Variants in UNC13B observed in about 807,000 individuals in gnomAD.
The protein encoded by UNC13B is unc-13 homolog B, also known as protein unc-13 homolog B.
A neutral mutation model predicts 211.0 loss-of-function variants in UNC13B; 144 were observed. That is an observed-to-expected ratio of 0.68 (90% CI 0.60 to 0.78). UNC13B has a LOEUF of 0.78. UNC13B is among the 30% of genes least tolerant of loss of function. The probability of loss-of-function intolerance (pLI) is 0.00; values close to 1 mark genes in which losing one functional copy is unlikely to be tolerated. For missense variants in UNC13B, 1,777 were observed against 2,002.0 expected, an observed-to-expected ratio of 0.89 and a Z score of 2.14; for synonymous variants, 709 against 725.8, an observed-to-expected ratio of 0.98 and a Z score of 0.37.
intron 8 of UNC13B, among the ~76,000 whole-genome samples, chr9:35,298,306 G>C (rs542492238): frequency 1.3e-5 from 2 of 152,304 alleles, no homozygotes; most frequent in South Asian, 2.1e-4. Context: ...TATGGTCCTA[G>C]CTACTTGGGA....
At chr9:35,391,795 G>A (rs1835552485) in intron 26 of UNC13B, among the ~76,000 whole-genome samples, 1 of 152,144 alleles carries the variant, frequency 6.6e-6, no homozygotes, top group South Asian at 2.1e-4. Context: ...TGTGAGGTGG[G>A]GCAGAGGTTT....
chr9:35,195,366 G>A (rs113675362), intron 1 of UNC13B, among the ~76,000 whole-genome samples: 2,566 of 152,100 alleles, frequency 0.017, 57 homozygotes, highest in African/African-American at 0.059. Context: ...CCCTTTCCAC[G>A]CCAAACCAAT....
intron 1 of UNC13B, among the ~76,000 whole-genome samples, chr9:35,163,858 G>C (rs1820898775): frequency 6.6e-6 from 1 of 151,954 alleles, no homozygotes; most frequent in African/African-American, 2.4e-5. Flanking sequence ...TGAATCTGGA[G>C]AAACGAGATC....
At chr9:35,355,589 A>C (rs561861987) in intron 11 of UNC13B, among the ~76,000 whole-genome samples, 1 of 152,296 alleles carries the variant, frequency 6.6e-6, no homozygotes, top group African/African-American at 2.4e-5. Flanking sequence ...CTGTCATACA[A>C]ATTTGCCTTG....
chr9:35,400,995 A>G (rs1392838593), intron 37 of UNC13B, among the ~76,000 whole-genome samples: 1 of 152,166 alleles, frequency 6.6e-6, no homozygotes, highest in Admixed American at 6.5e-5. Flanking sequence ...CAGGGGACCC[A>G]GGAAGCCGGT....
At chr9:35,165,655 G>A (rs1398889793) in intron 1 of UNC13B, among the ~76,000 whole-genome samples, 1 of 151,998 alleles carries the variant, frequency 6.6e-6, no homozygotes, top group East Asian at 1.9e-4. Context: ...CTGACCTCGT[G>A]ATCTGCCCAC....
At chr9:35,343,766 T>C (rs1348695654) in intron 11 of UNC13B, among the ~76,000 whole-genome samples, 3 of 152,044 alleles carry the variant, frequency 2.0e-5, no homozygotes, top group Non-Finnish European at 4.4e-5. Context: ...TGCTGTCCAA[T>C]GTGGTAGCTA....
chr9:35,255,167 C>T (rs947854263), intron 6 of UNC13B, among the ~76,000 whole-genome samples: 7 of 144,696 alleles, frequency 4.8e-5, no homozygotes, highest in Admixed American at 7.2e-5. Context: ...TCCAGTGATC[C>T]GCCTGCCTTG....
At chr9:35,372,540 T>C (rs1228658362) in intron 13 of UNC13B, among the ~76,000 whole-genome samples, 58 of 48,984 alleles carry the variant, frequency 1.2e-3, no homozygotes, top group Non-Finnish European at 1.9e-3. Flanking sequence ...TGCAAGAGTG[T>C]GGCTAGCAAG....
chr9:35,366,865 G>C (rs1190914000), intron 11 of UNC13B, 82 bp from the exon 12 acceptor site: 3 of 1,211,328 alleles, frequency 2.5e-6, no homozygotes, highest in Non-Finnish European at 2.5e-6. Context: ...CTCTGGGCTT[G>C]TACTCTACTG....
At chr9:35,232,880 A>G (rs1432038808) in intron 3 of UNC13B, among the ~76,000 whole-genome samples, 1 of 152,154 alleles carries the variant, frequency 6.6e-6, no homozygotes, top group Non-Finnish European at 1.5e-5. Context: ...GGAGAGTGGC[A>G]GCATTTAATG....
Position 35,397,209 on chromosome 9 carries a change from G to A in UNC13B, c.11575G>A (p.Val3859Met). ...GCATGCACTCTTTTCCTGCTCTGTGGTGGATGTCTTCACACAACTCAATCA... is the reference window on the plus strand; with the variant it reads ...GCATGCACTCTTTTCCTGCTCTGTGATGGATGTCTTCACACAACTCAATCA... ...SEHALFSCSV[V>M]DVFTQLNQSF... Residue 3859 changes from valine to methionine, a missense_variant, in exon 29 of 40, where the codon GTG (valine) becomes ATG (methionine). Physicochemically the swap from Val to Met is conservative, Grantham distance 21. Coordinates refer to ENST00000635942, the MANE Select transcript of UNC13B (RefSeq NM_001371189.2). 6.2e-7 allele frequency: 1 copy of A among 1,614,136 alleles called. No individual in the cohort carries two copies. Among genetic ancestry groups the A allele is most frequent in the Non-Finnish European group, 8.5e-7 (1 of 1,180,034 alleles).
intron 1 of UNC13B, chr9:35,227,687 A>T (rs4879884): frequency 0.063 from 15,190 of 242,578 alleles, 907 homozygotes; most frequent in East Asian, 0.29. Context: ...TAGGTTTTAA[A>T]TAAGGAACAT....
intron 11 of UNC13B, 131 bp downstream of exon 11, chr9:35,314,120 C>A: frequency 1.3e-6 from 1 of 762,826 alleles, no homozygotes; most frequent in Non-Finnish European, 2.3e-6. Flanking sequence ...GACAATTAAG[C>A]CAGAGCTTTA....
intron 1 of UNC13B, among the ~76,000 whole-genome samples, chr9:35,175,876 A>AAT (rs1821601578): frequency 1.3e-5 from 2 of 150,960 alleles, no homozygotes; most frequent in South Asian, 4.2e-4. Flanking sequence ...AAAAAAAAAA[A>AAT]TTAGCCAGAC....
At chr9:35,232,835 T>C (rs1055106496) in intron 3 of UNC13B, among the ~76,000 whole-genome samples, 11 of 151,752 alleles carry the variant, frequency 7.2e-5, no homozygotes, top group Non-Finnish European at 1.6e-4. Flanking sequence ...AGGGAGAGAA[T>C]GTGTATGGTG....
intron 11 of UNC13B, among the ~76,000 whole-genome samples, chr9:35,350,023 C>T (rs1473999492): frequency 3.3e-5 from 5 of 152,196 alleles, no homozygotes; most frequent in African/African-American, 4.8e-5. Context: ...GGTCAAAGAA[C>T]ATGAAGAGTA....
At chr9:35,163,238 G>C (rs1340798294) in intron 1 of UNC13B, among the ~76,000 whole-genome samples, 2 of 152,202 alleles carry the variant, frequency 1.3e-5, no homozygotes, top group African/African-American at 4.8e-5. Flanking sequence ...ATGAATGAGA[G>C]AGCATTTATC....
intron 26 of UNC13B, among the ~76,000 whole-genome samples, chr9:35,393,810 A>T (rs1488211360): frequency 6.6e-6 from 1 of 151,838 alleles, no homozygotes; most frequent in Non-Finnish European, 1.5e-5. Context: ...GCCTCAAGTG[A>T]TCCACCCCCC....
Sources: allele counts gnomAD v4.1 joint callset (sites outside exome capture counted in the v4.1 genomes callset), GRCh38; gene constraint gnomAD v4.1.1; transcripts MANE v1.5; gene names NCBI Gene and HGNC (gene_info 2026-07-23, HGNC 2026-07-21).